IGF2: variants seen among roughly 807,000 people sequenced by gnomAD.
IGF2 encodes insulin like growth factor 2, also known as insulin-like growth factor 2.
A neutral mutation model predicts 12.0 loss-of-function variants in IGF2; 2 were observed. The observed-to-expected ratio is 0.17, with a 90% CI of 0.07 to 0.52. The LOEUF (loss-of-function observed/expected upper bound fraction) is 0.52. IGF2 is among the 20% of genes least tolerant of loss of function. The pLI, the probability that IGF2 is intolerant of heterozygous loss-of-function variation, is 0.95. For missense variants in IGF2, 211 were observed against 268.0 expected (o/e 0.79, Z 1.48); for synonymous variants, 105 against 110.1 (o/e 0.95, Z 0.29).
Position 2,129,245 on chromosome 11 carries a change from G to A in IGF2, c.*3742C>T, listed in dbSNP as rs564464469. 9.3e-5 allele frequency: 19 copies of A among 204,802 alleles called. No individual in the cohort carries two copies. The Admixed American group carries it at 1.0e-3, about 11-fold the overall frequency. 12.7% of individuals were successfully genotyped at this position (204,802 alleles called of 1,614,324 possible). ...TGAGTCAAACACGGGCCGCAAGGTG[G>A]ACCGAGGCGGCAGGCACAGGTGACA... On this transcript the variant is annotated 3_prime_UTR_variant, in exon 4 of 4. Coordinates refer to ENST00000416167, the MANE Select transcript of IGF2 (RefSeq NM_000612.6). The surrounding 1 kb of genome is among the most constrained non-coding windows in gnomAD (Gnocchi z 8.1).
chr11:2,134,803 G>A (rs1858880025), intron 2 of IGF2, among the ~76,000 whole-genome samples: 1 of 152,180 alleles, frequency 6.6e-6, no homozygotes, highest in Non-Finnish European at 1.5e-5. Context: ...ATGAGGAAAG[G>A]CTGAAGCGTC....
At chr11:2,137,754 A>G (rs539318999) in intron 1 of IGF2, among the ~76,000 whole-genome samples, 2 of 151,838 alleles carry the variant, frequency 1.3e-5, no homozygotes, top group South Asian at 2.1e-4. Flanking sequence ...ACTCCTGCCA[A>G]CTCGGCCCCT....
At chr11:2,146,753 G>A in the IGF2 span, 3 of 258,872 alleles carry the variant, frequency 1.2e-5, no homozygotes, top group Non-Finnish European at 2.3e-5. Flanking sequence ...GCCCTGTCGT[G>A]GGGCAGGTAC....
upstream of IGF2, among the ~76,000 whole-genome samples, chr11:2,144,034 G>A (rs1029030338): frequency 1.3e-5 from 2 of 152,150 alleles, no homozygotes; most frequent in Admixed American, 6.5e-5. Flanking sequence ...TGGCGCGCAC[G>A]GCCGGCTGAA....
Position 2,138,380 on chromosome 11 carries a change from CTT to C in IGF2, c.-160_-159del, listed in dbSNP as rs1170161753. 2 of 611,550 alleles carry C rather than the reference CTT, an allele frequency of 3.3e-6. No individual in the cohort carries two copies. The highest frequency in any genetic ancestry group is 3.3e-5 in the African/African-American group (1 of 30,198). The allele number at this position is 611,550 out of a possible 1,614,324, so 37.9% of individuals were successfully genotyped here. ...GCGACGGGGCAGAGCGGGGGGATGGCTTTTTTTTGGGGGGGGGGGGAGAATTC... is the reference window on the plus strand; with the variant it reads ...GCGACGGGGCAGAGCGGGGGGATGGCTTTTTTGGGGGGGGGGGGAGAATTC... On this transcript the variant is annotated 5_prime_UTR_variant, in exon 1 of 4. Transcript: ENST00000416167.
chr11:2,146,170 C>A (rs115913655), upstream of IGF2: 4 of 504,698 alleles, frequency 7.9e-6, no homozygotes, highest in Non-Finnish European at 1.2e-5. Flanking sequence ...GCCCCAGCCT[C>A]GGCCTGTGGC....
chr11:2,139,992 C>G, upstream of IGF2: 1 of 685,258 alleles, frequency 1.5e-6, no homozygotes, highest in Non-Finnish European at 2.2e-6. Flanking sequence ...GGTGCCGCGC[C>G]GGAGCCCCGG....
At chr11:2,136,132 C>G (rs960575423) in intron 1 of IGF2, among the ~76,000 whole-genome samples, 13 of 152,226 alleles carry the variant, frequency 8.5e-5, no homozygotes, top group African/African-American at 3.1e-4. Context: ...TCCACCTTTC[C>G]AGTCTGCAGC....
In IGF2 at chr11:2,132,671, G is replaced by GA; in HGVS notation, c.*315_*316insT. 1 of 230,936 alleles carries GA rather than the reference G, an allele frequency of 4.3e-6. No individual in the cohort carries two copies. The highest frequency in any genetic ancestry group is 8.1e-6 in the Non-Finnish European group (1 of 123,352). 14.3% of individuals were successfully genotyped at this position (230,936 alleles called of 1,614,324 possible). On this transcript the variant is annotated 3_prime_UTR_variant, in exon 4 of 4. Coordinates refer to ENST00000416167, the MANE Select transcript of IGF2 (RefSeq NM_000612.6). ...GAGGGTTGTTGTGGGGGGGGGGGAA[G>GA]GGGGTTAGTTTAATGTTTTGATTTT...
At chr11:2,148,634 T>C in the IGF2 span, 57,065 of 162,972 alleles carry the variant, frequency 0.35, 10,480 homozygotes, top group Admixed American at 0.48. This position sits in a 1 kb window ranked among gnomAD's most constrained non-coding sequence, Gnocchi z 4.3. Flanking sequence ...TAAAATGGTG[T>C]ATATATGTAT....
chr11:2,130,026 G>A lies in IGF2; in HGVS notation c.*2961C>T. On this transcript the variant is annotated 3_prime_UTR_variant, in exon 4 of 4. Coordinates refer to ENST00000416167, the MANE Select transcript of IGF2 (RefSeq NM_000612.6). ...CACCTTGCCCCCAAGAGGTCCCACA[G>A]AGCTTCGGACCTCCTGGAGACAAGG... 4.3e-6 allele frequency: 1 copy of A among 230,422 alleles called. No homozygotes were observed. The highest frequency in any genetic ancestry group is 1.8e-4 in the South Asian group (1 of 5,502). 14.3% of individuals were successfully genotyped at this position (230,422 alleles called of 1,614,324 possible). A position where few individuals can be genotyped will look rare whatever the true frequency, so the allele number is the denominator to read the frequency against.
chr11:2,147,464 TG>T, the IGF2 span: 1 of 483,462 alleles, frequency 2.1e-6, no homozygotes, highest in Non-Finnish European at 3.3e-6. This position sits in a 1 kb window ranked among gnomAD's most constrained non-coding sequence, Gnocchi z 7.2. Context: ...CCAGCCTCTC[TG>T]AGCCAAAGCT....
chr11:2,134,835 C>A (rs1268579519), intron 2 of IGF2, among the ~76,000 whole-genome samples: 1 of 152,196 alleles, frequency 6.6e-6, no homozygotes, highest in African/African-American at 2.4e-5. Context: ...CAGGTGGGCA[C>A]CCCCCACGGC....
chr11:2,144,472 T>C (rs1221976462), upstream of IGF2, among the ~76,000 whole-genome samples: 2 of 152,306 alleles, frequency 1.3e-5, no homozygotes, highest in Admixed American at 1.3e-4. Flanking sequence ...AAACCAGTTT[T>C]GTTTGGGTAA....
Position 2,129,821 on chromosome 11 carries a change from G to A in IGF2, c.*3166C>T. 4.3e-6 allele frequency: 1 copy of A among 232,410 alleles called. No homozygotes were observed. The highest frequency in any genetic ancestry group is 2.2e-5 in the African/African-American group (1 of 45,406). The allele number at this position is 232,410 out of a possible 1,614,324, so 14.4% of individuals were successfully genotyped here. ...GAGCTGGGGGCACAAGTGGGGGCGA[G>A]GTAAACCTCCCAGAGGCCGAGTCCC... On this transcript the variant is annotated 3_prime_UTR_variant, in exon 4 of 4. Transcript: ENST00000416167. This position sits in a 1 kb window ranked among gnomAD's most constrained non-coding sequence, Gnocchi z 8.1.
rs1177918332 is a variant in IGF2 at position 2,132,202 on chromosome 11, T to C, written c.*785A>G. On this transcript the variant is annotated 3_prime_UTR_variant, in exon 4 of 4. Coordinates refer to ENST00000416167, the MANE Select transcript of IGF2 (RefSeq NM_000612.6). ...TCGTGCCAATTACATTTCATTTGCA[T>C]GGATTTTGGTTTTCATGCTCTGTCC... 4.8e-6 allele frequency: 1 copy of C among 206,478 alleles called. No homozygotes were observed. Among genetic ancestry groups the C allele is most frequent in the African/African-American group, 2.3e-5 (1 of 43,738 alleles). 12.8% of individuals were successfully genotyped at this position (206,478 alleles called of 1,614,324 possible). A position where few individuals can be genotyped will look rare whatever the true frequency, so the allele number is the denominator to read the frequency against.
upstream of IGF2, among the ~76,000 whole-genome samples, chr11:2,145,699 G>T (rs1390159971): frequency 6.6e-6 from 1 of 152,192 alleles, no homozygotes; most frequent in Admixed American, 6.5e-5. Context: ...GCCCTGTAGG[G>T]AGGGAGGAGC....
upstream of IGF2, chr11:2,140,973 T>C (rs1859548564): frequency 3.4e-6 from 1 of 291,090 alleles, no homozygotes; most frequent in South Asian, 2.6e-5. Context: ...GGGCCAGTCC[T>C]CAGTGTCCGG....
In IGF2 at chr11:2,132,283, GA is replaced by G; in HGVS notation, c.*703del. 3 of 198,786 alleles carry G rather than the reference GA, an allele frequency of 1.5e-5. No individual in the cohort carries two copies. Among genetic ancestry groups the G allele is most frequent in the Non-Finnish European group, 3.1e-5 (3 of 96,138 alleles). 12.3% of individuals were successfully genotyped at this position (198,786 alleles called of 1,614,324 possible). On this transcript the variant is annotated 3_prime_UTR_variant, in exon 4 of 4. Transcript: ENST00000416167. ...GACTGCTCTGTGATTTTTAGTGATG[GA>G]AAAGGGAGTGAGGAGCCAGTCTGGG...
Sources: allele counts gnomAD v4.1 joint callset (sites outside exome capture counted in the v4.1 genomes callset), GRCh38; gene constraint gnomAD v4.1.1; non-coding constraint Gnocchi (gnomAD v3.1); transcripts MANE v1.5; gene names NCBI Gene and HGNC (gene_info 2026-07-23, HGNC 2026-07-21).